PDS5A: variants seen among roughly 807,000 people sequenced by gnomAD.
PDS5A encodes the protein sister chromatid cohesion protein PDS5 homolog A.
A neutral mutation model predicts 167.1 loss-of-function variants in PDS5A; 42 were observed. The observed-to-expected ratio is 0.25, with a 90% CI of 0.20 to 0.33. The LOEUF is 0.33. Ranked by LOEUF, PDS5A falls within the 10% of genes least tolerant of loss-of-function variation. PDS5A has a pLI of 1.00. For synonymous variants in PDS5A, 553 were observed against 554.6 expected, an observed-to-expected ratio of 1.00 and a Z score of 0.04; for missense variants, 1,033 against 1,605.9, an observed-to-expected ratio of 0.64 and a Z score of 6.10.
At chr4:39,880,603 G>A (rs1173459662) in intron 17 of PDS5A, among the ~76,000 whole-genome samples, 1 of 151,802 alleles carries the variant, frequency 6.6e-6, no homozygotes, top group Non-Finnish European at 1.5e-5. Flanking sequence ...TTATGTCAAA[G>A]TATTCATTAA....
intron 10 of PDS5A, chr4:39,908,754 T>C (rs531828375): frequency 7.6e-6 from 4 of 523,660 alleles, no homozygotes; most frequent in East Asian, 6.7e-5. Context: ...CCAGGTGTGA[T>C]GGCCCACAAC....
intron 2 of PDS5A, among the ~76,000 whole-genome samples, chr4:39,945,852 AAAAAT>A (rs1425518677): frequency 1.3e-5 from 2 of 152,180 alleles, no homozygotes; most frequent in African/African-American, 4.8e-5. Context: ...GTTTTTGCTC[AAAAAT>A]AAAATAAAAC....
intron 31 of PDS5A, among the ~76,000 whole-genome samples, chr4:39,841,356 C>G (rs1233646572): frequency 6.6e-6 from 1 of 152,100 alleles, no homozygotes; most frequent in Non-Finnish European, 1.5e-5. Context: ...CCAGGCTGGT[C>G]TCAAACTACT....
At chr4:39,869,828 C>T (rs1027862242) in intron 21 of PDS5A, among the ~76,000 whole-genome samples, 7 of 151,968 alleles carry the variant, frequency 4.6e-5, no homozygotes, top group Non-Finnish European at 5.9e-5. Context: ...GATATTCAGC[C>T]GGGTGCAGAG....
At chr4:39,871,410 A>G (rs1211315642) in intron 21 of PDS5A, among the ~76,000 whole-genome samples, 1 of 152,132 alleles carries the variant, frequency 6.6e-6, no homozygotes, top group African/African-American at 2.4e-5. Context: ...AACAGCAAGG[A>G]TATGTAAGGG....
chr4:39,869,475 G>A lies in PDS5A; in HGVS notation c.2437-13C>T. 6.5e-7 allele frequency: 1 copy of A among 1,541,044 alleles called. No individual in the cohort carries two copies. The highest frequency in any genetic ancestry group is 8.9e-7 in the Non-Finnish European group (1 of 1,119,352). ...TTTCACCTGTTGACTATAGACAATTGAATAAATTTAGCTATTAGCATGAAA... is the reference window on the plus strand; with the variant it reads ...TTTCACCTGTTGACTATAGACAATTAAATAAATTTAGCTATTAGCATGAAA... On this transcript the variant is annotated splice_polypyrimidine_tract_variant and intron_variant, in intron 21 of 32. Coordinates refer to ENST00000303538, the MANE Select transcript of PDS5A (RefSeq NM_001100399.2).
rs752627402 is a variant in PDS5A at position 39,844,729 on chromosome 4, T to C, written c.3475A>G (p.Ser1159Gly). ...TTGCTTCCAGTCTCAGTGCCAGTGC[T>C]TCTAACATAGGGTTTCCTTCCCGTT... ...SATGRKPYVR[S>G]TGTETGSNIN... is the part of the protein sequence containing the mutation. Residue 1159 changes from serine to glycine, a missense_variant, in exon 30 of 33, where the codon AGC (serine) becomes GGC (glycine). This residue lies in a region of PDS5A where 233 missense variants were observed against 264.0 expected (regional missense o/e 0.88). Coordinates refer to ENST00000303538, the MANE Select transcript of PDS5A (RefSeq NM_001100399.2). The C allele has an allele frequency of 1.1e-5, 17 of 1,613,700 alleles. No individual in the cohort carries two copies. Among genetic ancestry groups the C allele is most frequent in the Non-Finnish European group, 1.4e-5 (16 of 1,179,666 alleles).
intron 17 of PDS5A, among the ~76,000 whole-genome samples, chr4:39,882,924 T>C (rs1437297738): frequency 6.6e-6 from 1 of 152,186 alleles, no homozygotes; most frequent in Admixed American, 6.5e-5. Flanking sequence ...ATCTTCACCA[T>C]TCTAAACGAA....
intron 32 of PDS5A, among the ~76,000 whole-genome samples, chr4:39,833,035 T>C (rs906180428): frequency 1.0e-4 from 15 of 146,690 alleles, no homozygotes; most frequent in African/African-American, 3.5e-4. Context: ...TAAATATATA[T>C]ATAAAATTAG....
intron 26 of PDS5A, among the ~76,000 whole-genome samples, chr4:39,857,452 C>A (rs1402116638): frequency 4.0e-5 from 6 of 151,292 alleles, no homozygotes; most frequent in African/African-American, 9.7e-5. Context: ...GACAAAGAGG[C>A]AAAATTGGAG....
chr4:39,837,806 A>G (rs1716567548), intron 32 of PDS5A, 50 bp downstream of exon 32: 2 of 1,408,282 alleles, frequency 1.4e-6, no homozygotes, highest in East Asian at 2.3e-5. Context: ...TATACTACGA[A>G]TAAAACAAAA....
In PDS5A at chr4:39,976,490, T is replaced by C. The variant is rs1731095968; in HGVS notation, c.88A>G (p.Lys30Glu). 1.5e-5 allele frequency: 24 copies of C among 1,613,312 alleles called. No individual in the cohort carries two copies. The highest frequency in any genetic ancestry group is 2.0e-5 in the Non-Finnish European group (24 of 1,179,484). The change falls in exon 2 of 33, where the codon AAA becomes GAA. Residue 30 changes from lysine to glutamate, a missense_variant. Physicochemically the swap from Lys to Glu is moderately conservative, Grantham distance 56. Around this residue, in one of 4 missense-constraint regions of PDS5A, gnomAD observed 388 missense variants for 615.1 expected, o/e 0.63. Transcript: ENST00000303538. ...DGKIAYPPGV[K>E]EITDKITTDE... ...GTGGTGATCTTGTCGGTGATCTCTT[T>C]TACCCCCGGAGGGTAAGCGATCTTC... is the stretch of plus-strand genomic sequence containing the variant.
At chr4:39,834,053 C>T (rs1184619719) in intron 32 of PDS5A, among the ~76,000 whole-genome samples, 1 of 152,050 alleles carries the variant, frequency 6.6e-6, no homozygotes, top group African/African-American at 2.4e-5. Flanking sequence ...GAAGACAAAG[C>T]ACAATCAAAG....
intron 2 of PDS5A, among the ~76,000 whole-genome samples, chr4:39,931,740 C>G (rs1245149947): frequency 1.3e-5 from 2 of 152,036 alleles, no homozygotes; most frequent in Non-Finnish European, 2.9e-5. Context: ...TCAGGACAGC[C>G]CCGTTCAGTG....
At chr4:39,938,668 T>A (rs184119969) in intron 2 of PDS5A, among the ~76,000 whole-genome samples, 1 of 152,124 alleles carries the variant, frequency 6.6e-6, no homozygotes, top group African/African-American at 2.4e-5. Context: ...TTAAACTGTA[T>A]AATGAAATAC....
At chr4:39,885,774 A>G (rs1196296013) in intron 17 of PDS5A, among the ~76,000 whole-genome samples, 2 of 151,192 alleles carry the variant, frequency 1.3e-5, no homozygotes, top group African/African-American at 2.5e-5. Context: ...AAAGCAAACA[A>G]AAAACAAACA....
chr4:39,951,142 C>G (rs905232468), intron 2 of PDS5A, among the ~76,000 whole-genome samples: 1 of 152,136 alleles, frequency 6.6e-6, no homozygotes, highest in Non-Finnish European at 1.5e-5. Context: ...ACCCTCATGC[C>G]TCAATCTCCC....
chr4:39,968,652 G>A (rs1209914807), intron 2 of PDS5A, among the ~76,000 whole-genome samples: 4 of 151,514 alleles, frequency 2.6e-5, no homozygotes, highest in South Asian at 4.2e-4. Flanking sequence ...GGCTGGTCTC[G>A]AACTCCCGAC....
At chr4:39,900,794 A>C (rs1012833134) in intron 13 of PDS5A, among the ~76,000 whole-genome samples, 4 of 152,210 alleles carry the variant, frequency 2.6e-5, no homozygotes, top group South Asian at 2.1e-4. Context: ...TGGTACAAGG[A>C]AAGAAAATCT....
Sources: allele counts gnomAD v4.1 joint callset (sites outside exome capture counted in the v4.1 genomes callset), GRCh38; gene constraint gnomAD v4.1.1; regional missense constraint gnomAD v4.1.1; transcripts MANE v1.5; gene names NCBI Gene and HGNC (gene_info 2026-07-23, HGNC 2026-07-21).